Variants in NLN observed in about 807,000 individuals in gnomAD.
NLN encodes neurolysin.
A neutral mutation model predicts 79.9 loss-of-function variants in NLN; 64 were observed. That is an observed-to-expected ratio of 0.80 (90% confidence interval 0.65 to 0.99). The LOEUF is 0.99. Ranked by LOEUF, NLN falls within the 50% of genes least tolerant of loss-of-function variation. The pLI, the probability that NLN is intolerant of heterozygous loss-of-function variation, is 0.00. For missense variants in NLN, 835 were observed against 858.7 expected, an observed-to-expected ratio of 0.97 and a Z score of 0.34; for synonymous variants, 267 against 296.6, an observed-to-expected ratio of 0.90 and a Z score of 1.02.
intron 8 of NLN, among the ~76,000 whole-genome samples, chr5:65,788,725 A>G (rs1166388634): frequency 6.6e-6 from 1 of 152,136 alleles, no homozygotes; most frequent in Non-Finnish European, 1.5e-5. Flanking sequence ...TAGTCCCAGC[A>G]CTTTGGGAGG....
intron 1 of NLN, among the ~76,000 whole-genome samples, chr5:65,737,872 T>C (rs1758761246): frequency 6.6e-6 from 1 of 152,170 alleles, no homozygotes; most frequent in African/African-American, 2.4e-5. Context: ...GGTTCACTCT[T>C]GTAATCCCGG....
At chr5:65,796,532 C>T (rs1424641307) in intron 9 of NLN, among the ~76,000 whole-genome samples, 1 of 152,180 alleles carries the variant, frequency 6.6e-6, no homozygotes. Flanking sequence ...ACAAATGTGT[C>T]ATACTGATGA....
At position 65,788,311 on chromosome 5, in the gene NLN, C is replaced by G. The variant is rs761186356; in HGVS notation, c.1152C>G (p.Phe384Leu). ...SIDQEFLKEY[F>L]PIEVVTEGLL... is the part of the protein sequence containing the mutation. Reference sequence around the variant, plus strand: ...ACCAAGAGTTCCTCAAGGAATACTTCCCAATTGAGGTGGTCACTGAAGGCT... The same window carrying G: ...ACCAAGAGTTCCTCAAGGAATACTTGCCAATTGAGGTGGTCACTGAAGGCT... Residue 384 changes from phenylalanine (F) to leucine (L), a missense_variant, in exon 8 of 13, where the codon TTC becomes TTG. Coordinates refer to ENST00000380985, the MANE Select transcript of NLN (RefSeq NM_020726.5). 7 of 1,613,854 alleles carry G rather than the reference C, an allele frequency of 4.3e-6. No individual in the cohort carries two copies. In the East Asian group the frequency reaches 1.6e-4, roughly 36 times the overall value.
At chr5:65,724,087 A>C (rs1255655776) in intron 1 of NLN, among the ~76,000 whole-genome samples, 1 of 144,216 alleles carries the variant, frequency 6.9e-6, no homozygotes, top group Non-Finnish European at 1.5e-5. Context: ...GAAGATTAAC[A>C]TTGTGGGGTT....
In NLN at chr5:65,792,521, C is replaced by G; in HGVS notation, c.1393C>G (p.Arg465Gly). The change falls in exon 9 of 13, where the codon CGG (arginine) becomes GGG (glycine). Residue 465 changes from arginine (R) to glycine (G), a missense_variant. Physicochemically the swap from Arg to Gly is moderately radical, Grantham distance 125. Coordinates refer to ENST00000380985, the MANE Select transcript of NLN (RefSeq NM_020726.5). The stretch of plus-strand genomic sequence containing the variant: ...TGGCTGCCTTCTGCCTGATGGAAGC[C>G]GGATGATGGCAGTGGCTGCCCTCGT... ...QPGCLLPDGS[R>G]MMAVAALVVN... 6.2e-7 allele frequency: 1 copy of G among 1,614,082 alleles called. No homozygotes were observed. The highest frequency in any genetic ancestry group is 1.3e-5 in the African/African-American group (1 of 75,030).
intron 9 of NLN, among the ~76,000 whole-genome samples, chr5:65,805,903 G>A (rs1049163969): frequency 6.6e-6 from 1 of 152,188 alleles, no homozygotes; most frequent in African/African-American, 2.4e-5. Context: ...TAATGCAGCT[G>A]GTGACTTGAA....
chr5:65,782,338 T>C (rs1165654029), intron 6 of NLN, among the ~76,000 whole-genome samples: 1 of 152,188 alleles, frequency 6.6e-6, no homozygotes, highest in Non-Finnish European at 1.5e-5. Flanking sequence ...AATCCAAACT[T>C]TTGTAGGCCA....
At chr5:65,817,925 C>T (rs1024491232) in intron 12 of NLN, among the ~76,000 whole-genome samples, 1 of 152,170 alleles carries the variant, frequency 6.6e-6, no homozygotes, top group African/African-American at 2.4e-5. Context: ...ATTTCCTCTC[C>T]AGAAGGTTTT....
At chr5:65,795,699 T>G (rs1271158514) in intron 9 of NLN, among the ~76,000 whole-genome samples, 1 of 152,010 alleles carries the variant, frequency 6.6e-6, no homozygotes, top group Non-Finnish European at 1.5e-5. Flanking sequence ...AATAAATAAA[T>G]AAATAAAGTC....
intron 3 of NLN, among the ~76,000 whole-genome samples, chr5:65,773,977 A>G (rs1197711926): frequency 3.3e-5 from 5 of 152,098 alleles, no homozygotes; most frequent in Non-Finnish European, 7.4e-5. Context: ...AATTTTTGTG[A>G]TAAAATTTTA....
chr5:65,723,814 C>CAAAAAAAAAAAAAAAAAAAA (rs760572199), intron 1 of NLN, among the ~76,000 whole-genome samples: 2 of 55,324 alleles, frequency 3.6e-5, no homozygotes, highest in African/African-American at 6.4e-5. Flanking sequence ...GACTCCGTCT[C>CAAAAAAAAAAAAAAAAAAAA]AAAAAAAAAA....
rs1039273138 is a variant in NLN, at chr5:65,788,042, T to C, written c.959-76T>C. 3 of 1,450,916 alleles carry C rather than the reference T, an allele frequency of 2.1e-6. No individual in the cohort carries two copies. The African/African-American group carries it at 4.2e-5, about 21-fold the overall frequency. The allele number at this position is 1,450,916 out of a possible 1,614,324, so 89.9% of individuals were successfully genotyped here. A position where few individuals can be genotyped will look rare whatever the true frequency, so the allele number is the denominator to read the frequency against. ...TACTGCAAAGGAGGAAGCACCATGC[T>C]AAAACACAGGTGGTATTTATGAGTA... On this transcript the variant is annotated intron_variant, in intron 7 of 12. Coordinates refer to ENST00000380985, the MANE Select transcript of NLN (RefSeq NM_020726.5).
chr5:65,779,714 T>A (rs906875079), intron 4 of NLN, among the ~76,000 whole-genome samples: 2 of 152,186 alleles, frequency 1.3e-5, no homozygotes, highest in Non-Finnish European at 2.9e-5. Context: ...ATTCTTCAAA[T>A]TCACAACTAA....
At chr5:65,788,943 G>A (rs1759995982) in intron 8 of NLN, among the ~76,000 whole-genome samples, 2 of 151,468 alleles carry the variant, frequency 1.3e-5, no homozygotes, top group African/African-American at 4.9e-5. Context: ...CTGCACTCCA[G>A]CCTGGGTGAC....
intron 1 of NLN, among the ~76,000 whole-genome samples, chr5:65,732,001 T>C (rs1272133945): frequency 6.6e-6 from 1 of 152,138 alleles, no homozygotes; most frequent in Admixed American, 6.6e-5. Flanking sequence ...TCCTTCCACC[T>C]CAGCCTCCCA....
intron 1 of NLN, among the ~76,000 whole-genome samples, chr5:65,729,620 C>T (rs371140191): frequency 2.2e-4 from 34 of 152,184 alleles, no homozygotes; most frequent in South Asian, 1.7e-3. Flanking sequence ...ATGATTCACC[C>T]GCGTCGGCCT....
intron 3 of NLN, among the ~76,000 whole-genome samples, chr5:65,773,677 T>C (rs1373253075): frequency 6.6e-6 from 1 of 152,172 alleles, no homozygotes; most frequent in Non-Finnish European, 1.5e-5. Context: ...GCACAGTGGC[T>C]CATGTCTGTA....
intron 1 of NLN, among the ~76,000 whole-genome samples, chr5:65,725,246 T>A (rs1305396696): frequency 1.3e-5 from 2 of 152,198 alleles, no homozygotes; most frequent in African/African-American, 4.8e-5. Flanking sequence ...CTCACAGTCA[T>A]ATGAAGTTGG....
chr5:65,810,234 G>T (rs1249763456), intron 11 of NLN, 69 bp downstream of exon 11: 16 of 1,367,708 alleles, frequency 1.2e-5, no homozygotes, highest in Non-Finnish European at 1.7e-5. Context: ...CACTGCAGGG[G>T]AGATGGAGTT....
Sources: allele counts gnomAD v4.1 joint callset (sites outside exome capture counted in the v4.1 genomes callset), GRCh38; gene constraint gnomAD v4.1.1; transcripts MANE v1.5; gene names NCBI Gene and HGNC (gene_info 2026-07-23, HGNC 2026-07-21).